DLG2: variants seen among roughly 807,000 people sequenced by gnomAD.
DLG2 encodes discs large MAGUK scaffold protein 2, also known as disks large homolog 2.
DLG2 carries 45 observed loss-of-function variants against 132.5 expected under a neutral mutation model. The ratio of observed to expected loss-of-function variants is 0.34; its 90% CI spans 0.27 to 0.44. DLG2 has a LOEUF of 0.44. DLG2 is among the 20% of genes least tolerant of loss of function. The probability of loss-of-function intolerance (pLI) is 1.00; values close to 1 mark genes in which losing one functional copy is unlikely to be tolerated. For missense variants in DLG2, 1,045 were observed against 1,196.9 expected (o/e 0.87, Z 1.87); for synonymous variants, 424 against 419.6 (o/e 1.01, Z -0.13).
intron 3 of DLG2, among the ~76,000 whole-genome samples, chr11:85,289,888 CA>C (rs2152768354): frequency 6.6e-6 from 1 of 152,248 alleles, no homozygotes; most frequent in South Asian, 2.1e-4. Flanking sequence ...TGAATCTACT[CA>C]AATAGTTATT....
intron 8 of DLG2, among the ~76,000 whole-genome samples, chr11:84,198,473 G>T (rs1452739838): frequency 6.6e-6 from 1 of 151,954 alleles, no homozygotes; most frequent in African/African-American, 2.4e-5. Flanking sequence ...ATGGCCTCTA[G>T]CTAAAAGTTT....
At chr11:84,460,048 G>A (rs1214025858) in intron 7 of DLG2, among the ~76,000 whole-genome samples, 1 of 150,416 alleles carries the variant, frequency 6.6e-6, no homozygotes, top group Non-Finnish European at 1.5e-5. Context: ...TCTATTTTAG[G>A]TTTTCTGAGA....
intron 6 of DLG2, among the ~76,000 whole-genome samples, chr11:84,784,751 A>G (rs1400619502): frequency 6.6e-6 from 1 of 152,146 alleles, no homozygotes; most frequent in Non-Finnish European, 1.5e-5. Flanking sequence ...GCTCAAAAAA[A>G]TGATCTTATA....
intron 3 of DLG2, among the ~76,000 whole-genome samples, chr11:85,484,621 T>G: frequency 6.6e-6 from 1 of 152,054 alleles, no homozygotes; most frequent in Non-Finnish European, 1.5e-5. Flanking sequence ...TCACTGGCCA[T>G]CAGAGAAATG....
intron 4 of DLG2, among the ~76,000 whole-genome samples, chr11:85,191,809 TC>T (rs2080597177): frequency 6.6e-6 from 1 of 152,172 alleles, no homozygotes; most frequent in African/African-American, 2.4e-5. Flanking sequence ...ATTGAATACT[TC>T]TTATAAGTCT....
intron 3 of DLG2, among the ~76,000 whole-genome samples, chr11:85,554,878 G>T (rs2076850503): frequency 6.6e-6 from 1 of 151,422 alleles, no homozygotes; most frequent in African/African-American, 2.4e-5. Context: ...TGTGAATCAT[G>T]GCTCAACCAG....
chr11:84,669,223 A>G (rs1431904854), intron 6 of DLG2, among the ~76,000 whole-genome samples: 1 of 152,078 alleles, frequency 6.6e-6, no homozygotes, highest in Non-Finnish European at 1.5e-5. Context: ...AAGGGTAAAG[A>G]TCCTCATGTA....
In DLG2 at chr11:83,913,748, C is replaced by T. The variant is rs1204741495; in HGVS notation, c.1496+16580G>A. On this transcript the variant is annotated intron_variant, in intron 15 of 27. Coordinates refer to ENST00000376104, the MANE Select transcript of DLG2 (RefSeq NM_001142699.3). ...GGGAGGAGGAGTTTCAAAATGGAAG[C>T]ATAAGCAAGGACCTCAAAGAAAGGG... is the stretch of plus-strand genomic sequence containing the variant. Among the ~76,000 whole-genome samples, 13 of 152,092 alleles carry T rather than the reference C, an allele frequency of 8.5e-5. 1 individual carries two copies. The highest frequency in any genetic ancestry group is 8.5e-4 in the Admixed American group (13 of 15,246).
At chr11:85,175,087 A>T (rs1055650147) in intron 4 of DLG2, among the ~76,000 whole-genome samples, 5 of 152,184 alleles carry the variant, frequency 3.3e-5, no homozygotes, top group African/African-American at 1.2e-4. Context: ...AAACAAATGA[A>T]AGGAAAGACT....
At chr11:83,631,101 G>A (rs986387078) in intron 19 of DLG2, 3 of 148,892 alleles carry the variant, frequency 2.0e-5, no homozygotes, top group Non-Finnish European at 4.5e-5. Flanking sequence ...TAGTATTCAA[G>A]AAGTACAAAG....
intron 6 of DLG2, among the ~76,000 whole-genome samples, chr11:84,779,054 T>C (rs1057424557): frequency 1.3e-5 from 2 of 152,176 alleles, no homozygotes; most frequent in Admixed American, 6.5e-5. Context: ...TTCCCTACTT[T>C]TGAGGTTTTG....
At chr11:85,194,955 T>A (rs904064454) in intron 4 of DLG2, among the ~76,000 whole-genome samples, 1 of 152,186 alleles carries the variant, frequency 6.6e-6, no homozygotes, top group African/African-American at 2.4e-5. Flanking sequence ...GTACAAAAAG[T>A]CTGGTAGAGA....
At chr11:84,074,529 ATT>A (rs59822508) in intron 10 of DLG2, among the ~76,000 whole-genome samples, 35 of 139,290 alleles carry the variant, frequency 2.5e-4, no homozygotes, top group Admixed American at 3.6e-4. Context: ...AGAGTTTCTA[ATT>A]TTTTTTTTTT....
At chr11:85,284,066 T>G (rs2078403547) in intron 4 of DLG2, among the ~76,000 whole-genome samples, 1 of 151,940 alleles carries the variant, frequency 6.6e-6, no homozygotes, top group Non-Finnish European at 1.5e-5. Flanking sequence ...TATGGATAAA[T>G]GCTATTAGTG....
chr11:84,966,955 G>A (rs557922159), intron 6 of DLG2, among the ~76,000 whole-genome samples: 3 of 152,168 alleles, frequency 2.0e-5, no homozygotes, highest in South Asian at 2.1e-4. Context: ...AAATAGAAGC[G>A]AGAAATGGTT....
At chr11:85,055,430 G>A (rs2063352154) in intron 6 of DLG2, among the ~76,000 whole-genome samples, 1 of 152,200 alleles carries the variant, frequency 6.6e-6, no homozygotes. Flanking sequence ...GAAAATTCAT[G>A]AGGAAAGGTA....
At chr11:84,937,178 A>G (rs1426831688) in intron 6 of DLG2, among the ~76,000 whole-genome samples, 2 of 152,264 alleles carry the variant, frequency 1.3e-5, no homozygotes, top group Admixed American at 6.5e-5. Context: ...ATCAATACCT[A>G]TCTAGATAAC....
At chr11:84,537,371 G>A (rs2099358154) in intron 6 of DLG2, among the ~76,000 whole-genome samples, 1 of 152,108 alleles carries the variant, frequency 6.6e-6, no homozygotes, top group African/African-American at 2.4e-5. Flanking sequence ...CTCCCAAAGT[G>A]CTAGGATTAC....
chr11:85,459,154 G>A (rs906768627), intron 3 of DLG2, among the ~76,000 whole-genome samples: 3 of 152,166 alleles, frequency 2.0e-5, no homozygotes, highest in East Asian at 1.9e-4. Context: ...GGTCTTCGCT[G>A]CTTCTCCAAT....
Sources: gnomAD v4.1 joint callset for allele counts (sites outside exome capture counted in the v4.1 genomes callset) on GRCh38, gnomAD v4.1.1 for gene constraint, MANE v1.5 for transcripts, NCBI Gene and HGNC (gene_info 2026-07-23, HGNC 2026-07-21) for gene names.